The following WDFY3 variants were observed in gnomAD, a reference collection of about 807,000 sequenced individuals.
WDFY3 encodes WD repeat and FYVE domain containing 3, also known as WD repeat and FYVE domain-containing protein 3.
In WDFY3, 66 loss-of-function variants were observed where a neutral mutation model predicts 409.6. The ratio of observed to expected loss-of-function variants is 0.16; its 90% CI spans 0.13 to 0.20. The LOEUF (loss-of-function observed/expected upper bound fraction) is 0.20, where lower values mean the gene tolerates loss of function less well. Ranked by LOEUF, WDFY3 falls within the 10% of genes least tolerant of loss-of-function variation. The pLI, the probability that WDFY3 is intolerant of heterozygous loss-of-function variation, is 1.00. For synonymous variants in WDFY3, 1,521 were observed against 1,537.1 expected (o/e 0.99, Z 0.25); for missense variants, 3,031 against 4,298.1 (o/e 0.71, Z 8.24).
At chr4:84,965,127 T>C (rs1407663493) in intron 1 of WDFY3, among the ~76,000 whole-genome samples, 1 of 152,206 alleles carries the variant, frequency 6.6e-6, no homozygotes, top group Admixed American at 6.5e-5. Flanking sequence ...ACATTTTTAG[T>C]TCTGTTTTAT....
intron 1 of WDFY3, among the ~76,000 whole-genome samples, chr4:84,943,091 G>C (rs542226852): frequency 5.4e-4 from 83 of 152,300 alleles, no homozygotes; most frequent in Admixed American, 2.0e-3. Context: ...TCAGTGTGAA[G>C]ACAATGAGGA....
At chr4:84,834,676 C>A (rs1756313036) in intron 7 of WDFY3, among the ~76,000 whole-genome samples, 1 of 152,066 alleles carries the variant, frequency 6.6e-6, no homozygotes. Flanking sequence ...TCCTCTTCTG[C>A]CTCTACTAAC....
intron 2 of WDFY3, among the ~76,000 whole-genome samples, chr4:84,898,881 C>A (rs966930061): frequency 6.6e-6 from 1 of 152,164 alleles, no homozygotes; most frequent in African/African-American, 2.4e-5. Flanking sequence ...TAAGATTTAA[C>A]ACCTAAGTTA....
intron 2 of WDFY3, among the ~76,000 whole-genome samples, chr4:84,930,437 G>C (rs753501524): frequency 2.7e-4 from 41 of 152,040 alleles, no homozygotes; most frequent in Non-Finnish European, 5.3e-4. Context: ...ATAATACCAT[G>C]AGCTACCACT....
intron 1 of WDFY3, among the ~76,000 whole-genome samples, chr4:84,937,630 C>T (rs527487102): frequency 6.6e-6 from 1 of 152,130 alleles, no homozygotes; most frequent in Non-Finnish European, 1.5e-5. Flanking sequence ...GACAACCTAA[C>T]ATAAATCATA....
chr4:84,843,591 G>A (rs1159778836), intron 5 of WDFY3, among the ~76,000 whole-genome samples: 1 of 152,084 alleles, frequency 6.6e-6, no homozygotes, highest in Non-Finnish European at 1.5e-5. Context: ...TAGAGACAGA[G>A]TATCGCTGTG....
At chr4:84,946,245 T>G (rs1772813365) in intron 1 of WDFY3, among the ~76,000 whole-genome samples, 1 of 152,232 alleles carries the variant, frequency 6.6e-6, no homozygotes, top group African/African-American at 2.4e-5. Context: ...TAGGGCTTTG[T>G]GCTCAGATGT....
chr4:84,871,521 G>A (rs1762131648), intron 3 of WDFY3, among the ~76,000 whole-genome samples: 1 of 152,012 alleles, frequency 6.6e-6, no homozygotes, highest in Non-Finnish European at 1.5e-5. Flanking sequence ...AATGTTAAAA[G>A]TTCTTCAGGA....
chr4:84,802,324 C>T (rs1391692451), intron 16 of WDFY3, among the ~76,000 whole-genome samples: 2 of 147,054 alleles, frequency 1.4e-5, no homozygotes, highest in Non-Finnish European at 3.0e-5. Context: ...GTGATCTCGG[C>T]TCTCGGCTCA....
At chr4:84,840,830 C>T (rs1414740390) in intron 6 of WDFY3, among the ~76,000 whole-genome samples, 1 of 151,774 alleles carries the variant, frequency 6.6e-6, no homozygotes, top group Admixed American at 6.6e-5. Context: ...ATCTTCCCAC[C>T]TTGACCTCTC....
At chr4:84,695,019 C>T (rs1729857818) in intron 58 of WDFY3, among the ~76,000 whole-genome samples, 1 of 152,022 alleles carries the variant, frequency 6.6e-6, no homozygotes, top group African/African-American at 2.4e-5. Flanking sequence ...GAGGAGGTAG[C>T]CAGGATCAAA....
chr4:84,849,987 T>C lies in WDFY3; in HGVS notation c.219A>G (p.Lys73=), dbSNP rs1758652541. The change falls in exon 5 of 68, where the codon AAA becomes AAG. Residue 73 remains lysine (K), a synonymous_variant. Transcript: ENST00000295888. ...TTGTGAACTGCAGAAGATCAGAAAA[T>C]TTTTCTGTCATTGTATTCGGCGGAG... ...GNAPPNTMTE[K]FSDLLQFTTQ... 6.2e-7 allele frequency: 1 copy of C among 1,608,370 alleles called. No individual in the cohort carries two copies. The highest frequency in any genetic ancestry group is 8.5e-7 in the Non-Finnish European group (1 of 1,177,678).
intron 2 of WDFY3, among the ~76,000 whole-genome samples, chr4:84,926,983 C>A (rs1440022580): frequency 6.6e-6 from 1 of 152,072 alleles, no homozygotes; most frequent in Non-Finnish European, 1.5e-5. Context: ...AAAGGAATAC[C>A]ACGTAGAAAT....
intron 32 of WDFY3, among the ~76,000 whole-genome samples, chr4:84,758,855 G>C (rs1741941022): frequency 6.6e-6 from 1 of 152,186 alleles, no homozygotes; most frequent in South Asian, 2.1e-4. Flanking sequence ...GTCACAATGT[G>C]TTTTAGACAT....
intron 56 of WDFY3, among the ~76,000 whole-genome samples, chr4:84,700,448 C>T (rs980019199): frequency 2.0e-5 from 3 of 152,200 alleles, no homozygotes; most frequent in African/African-American, 4.8e-5. Flanking sequence ...AAGTGATCCA[C>T]CTGCCTTGGC....
chr4:84,796,704 C>G lies in WDFY3; in HGVS notation c.2984G>C (p.Ser995Thr). 1 of 1,614,062 alleles carries G rather than the reference C, an allele frequency of 6.2e-7. No individual in the cohort carries two copies. Among genetic ancestry groups the G allele is most frequent in the East Asian group, 2.2e-5 (1 of 44,866 alleles). The change falls in exon 19 of 68, where the codon AGC becomes ACC. Residue 995 changes from serine (S) to threonine (T), a missense_variant. Transcript: ENST00000295888. Reference protein sequence around the residue: ...LEGLGTDNVFSLHEDNHYRIS... With the variant: ...LEGLGTDNVFTLHEDNHYRIS... Reference sequence around the variant, plus strand: ...CCGGTAATGGTTATCTTCATGTAAGCTAAAAACATTATCAGTACCCAGACC... The same window carrying G: ...CCGGTAATGGTTATCTTCATGTAAGGTAAAAACATTATCAGTACCCAGACC...
At position 84,831,530 on chromosome 4, in the gene WDFY3, T is replaced by C; in HGVS notation, c.652A>G (p.Ser218Gly). 1 of 1,614,122 alleles carries C rather than the reference T, an allele frequency of 6.2e-7. No individual in the cohort carries two copies. Among genetic ancestry groups the C allele is most frequent in the Non-Finnish European group, 8.5e-7 (1 of 1,179,998 alleles). ...AQKDDLQLLF[S>G]AITSWCPPYN... ...GGAGGGCACCAAGAGGTTATTGCAC[T>C]GAATAGAAGCTGGAGATCATCTTTC... The change falls in exon 8 of 68, where the codon AGT becomes GGT. Residue 218 changes from serine to glycine, a missense_variant. Ser to Gly is a moderately conservative substitution (Grantham distance 56). This residue lies in a region of WDFY3 where 1,322 missense variants were observed against 1,697.9 expected (regional missense o/e 0.78). Transcript: ENST00000295888.
chr4:84,704,894 T>C (rs998455108), intron 54 of WDFY3, among the ~76,000 whole-genome samples: 1 of 152,220 alleles, frequency 6.6e-6, no homozygotes, highest in Non-Finnish European at 1.5e-5. Flanking sequence ...AGAGTTCACA[T>C]AGGACTACAA....
chr4:84,965,093 C>T (rs1301913942), intron 1 of WDFY3, among the ~76,000 whole-genome samples: 1 of 152,032 alleles, frequency 6.6e-6, no homozygotes, highest in Non-Finnish European at 1.5e-5. Context: ...TGCACTAATA[C>T]AACATGTTTT....
Sources: gnomAD v4.1 joint callset for allele counts (sites outside exome capture counted in the v4.1 genomes callset) on GRCh38, gnomAD v4.1.1 for gene constraint, gnomAD v4.1.1 regional missense constraint, MANE v1.5 for transcripts, NCBI Gene and HGNC (gene_info 2026-07-23, HGNC 2026-07-21) for gene names.